EHD4: variants seen among roughly 807,000 people sequenced by gnomAD.
The protein encoded by EHD4 is EH domain containing 4.
EHD4 carries 37 observed loss-of-function variants against 51.0 expected under a neutral mutation model. The observed-to-expected ratio is 0.73, with a 90% CI of 0.56 to 0.95. The LOEUF is 0.95. EHD4 is among the 40% of genes least tolerant of loss of function. The pLI is 0.00. For synonymous variants in EHD4, 297 were observed against 317.3 expected (o/e 0.94, Z 0.68); for missense variants, 632 against 733.1 (o/e 0.86, Z 1.59).
Position 41,897,752 on chromosome 15 carries a change from C to T in EHD4, c.*2893G>A, listed in dbSNP as rs757579963. On this transcript the variant is annotated 3_prime_UTR_variant, in exon 6 of 6. Coordinates refer to ENST00000220325, the MANE Select transcript of EHD4 (RefSeq NM_139265.4). ...TTCATTTTCCCTTTAAACTCAAGAC[C>T]GGAAGGTTTGTGTTATGCGATACCA... 8 of 152,186 alleles carry T rather than the reference C, an allele frequency of 5.3e-5. No homozygotes were observed. The highest frequency in any genetic ancestry group is 3.3e-4 in the Admixed American group (5 of 15,278). The allele number at this position is 152,186 out of a possible 1,614,324, so 9.4% of individuals were successfully genotyped here.
rs138882005 is a variant in EHD4, at chr15:41,927,234, C to T, written c.512-7612G>A. ...TACTGAGCACAGTAGGTGTTCAATA[C>T]ATTTGGTTTATTCCTCCAAAAACTA... On this transcript the variant is annotated intron_variant, in intron 3 of 5. Coordinates refer to ENST00000220325, the MANE Select transcript of EHD4 (RefSeq NM_139265.4). 3.2e-4 allele frequency among the ~76,000 whole-genome samples: 49 copies of T among 152,366 alleles called. No individual in the cohort carries two copies. The East Asian group carries it at 8.5e-3, about 26-fold the overall frequency.
At chr15:41,913,365 T>C (rs1429997257) in intron 4 of EHD4, among the ~76,000 whole-genome samples, 6 of 152,194 alleles carry the variant, frequency 3.9e-5, no homozygotes, top group African/African-American at 1.4e-4. Flanking sequence ...TTGGGTCTTC[T>C]GACCTTTATA....
At chr15:41,930,604 C>T (rs754959334) in intron 3 of EHD4, among the ~76,000 whole-genome samples, 51 of 152,226 alleles carry the variant, frequency 3.4e-4, no homozygotes, top group Admixed American at 2.6e-4. Context: ...CCCCACCCCT[C>T]GCCCTGCCCT....
At chr15:41,915,372 C>T (rs1343243394) in intron 4 of EHD4, among the ~76,000 whole-genome samples, 1 of 152,182 alleles carries the variant, frequency 6.6e-6, no homozygotes, top group Non-Finnish European at 1.5e-5. Flanking sequence ...GCCACCGTGC[C>T]CAGCCTATAG....
At chr15:41,914,462 G>GACGTGTTCCC (rs139725318) in intron 4 of EHD4, among the ~76,000 whole-genome samples, 10,218 of 152,258 alleles carry the variant, frequency 0.067, 397 homozygotes, top group South Asian at 0.095. Context: ...AAGGGCAGCT[G>GACGTGTTCCC]ACTTGAGCAA....
chr15:41,958,525 G>GA (rs920910791), intron 1 of EHD4, among the ~76,000 whole-genome samples: 1 of 151,904 alleles, frequency 6.6e-6, no homozygotes, highest in African/African-American at 2.4e-5. Flanking sequence ...GCTTAGGCTA[G>GA]AATTTTTTTT....
intron 1 of EHD4, among the ~76,000 whole-genome samples, chr15:41,970,791 ATGT>A (rs1238910853): frequency 6.6e-6 from 1 of 152,198 alleles, no homozygotes; most frequent in East Asian, 1.9e-4. Context: ...TCTTCTTTGT[ATGT>A]TTCAACAGTA....
At chr15:41,953,602 T>A (rs1416139533) in intron 2 of EHD4, among the ~76,000 whole-genome samples, 162 bp downstream of exon 2, 1 of 152,206 alleles carries the variant, frequency 6.6e-6, no homozygotes, top group African/African-American at 2.4e-5. Context: ...TTATTTCCTA[T>A]GATAGTCTTT....
intron 4 of EHD4, among the ~76,000 whole-genome samples, chr15:41,915,472 C>T (rs893847978): frequency 6.6e-6 from 1 of 152,198 alleles, no homozygotes; most frequent in Non-Finnish European, 1.5e-5. Context: ...TACAGTGAAC[C>T]TTGAAAATCA....
intron 3 of EHD4, among the ~76,000 whole-genome samples, chr15:41,929,544 A>G (rs2067685106): frequency 6.6e-6 from 1 of 152,234 alleles, no homozygotes; most frequent in South Asian, 2.1e-4. Flanking sequence ...TACCAGATGA[A>G]GAAGCAGGCC....
In EHD4 at chr15:41,899,030, C is replaced by G. The variant is rs1169069726; in HGVS notation, c.*1615G>C. 1 of 151,618 alleles carries G rather than the reference C, an allele frequency of 6.6e-6. No homozygotes were observed. The highest frequency in any genetic ancestry group is 2.4e-5 in the African/African-American group (1 of 41,166). The allele number at this position is 151,618 out of a possible 1,614,324, so 9.4% of individuals were successfully genotyped here. A position where few individuals can be genotyped will look rare whatever the true frequency, so the allele number is the denominator to read the frequency against. The stretch of plus-strand genomic sequence containing the variant: ...CCCAAATCAAGATTTTCTCTTCAAT[C>G]TGTGCCTTTGACCCTGTCACCAAAG... On this transcript the variant is annotated 3_prime_UTR_variant, in exon 6 of 6. Coordinates refer to ENST00000220325, the MANE Select transcript of EHD4 (RefSeq NM_139265.4).
In EHD4 at chr15:41,900,656, T is replaced by C; in HGVS notation, c.1615A>G (p.Lys539Glu). 6.3e-7 allele frequency: 1 copy of C among 1,593,414 alleles called. No homozygotes were observed. The highest frequency in any genetic ancestry group is 8.5e-7 in the Non-Finnish European group (1 of 1,174,108). ...CTGCAGCCCACCCCTCAGTCGGCCT[T>C]GGGCAGGGACTTCCTGTGCGAGGGG... ...VPPSHRKSLPKAD is the reference protein window; with the variant it reads ...VPPSHRKSLPEAD The change falls in exon 6 of 6, where the codon AAG (lysine) becomes GAG (glutamate). Residue 539 changes from lysine (K) to glutamate (E), a missense_variant. Lys to Glu is a moderately conservative substitution (Grantham distance 56). Coordinates refer to ENST00000220325, the MANE Select transcript of EHD4 (RefSeq NM_139265.4). This position sits in a 1 kb window ranked among gnomAD's most constrained non-coding sequence, Gnocchi z 4.8.
chr15:41,936,780 C>T (rs1045977834), intron 3 of EHD4, among the ~76,000 whole-genome samples: 2 of 152,188 alleles, frequency 1.3e-5, no homozygotes, highest in African/African-American at 2.4e-5. Context: ...ACATCAGGGC[C>T]GGAAGCAGTA....
chr15:41,957,505 T>G (rs1566826990), intron 1 of EHD4, among the ~76,000 whole-genome samples: 1 of 152,300 alleles, frequency 6.6e-6, no homozygotes, highest in South Asian at 2.1e-4. Flanking sequence ...TAGGAATGAT[T>G]TGAGTCAGCC....
chr15:41,935,355 T>C (rs994191707), intron 3 of EHD4, among the ~76,000 whole-genome samples: 2 of 152,172 alleles, frequency 1.3e-5, no homozygotes, highest in Non-Finnish European at 2.9e-5. Context: ...CTAAGGCACC[T>C]GGCACCTGAC....
intron 2 of EHD4, among the ~76,000 whole-genome samples, chr15:41,947,173 G>A (rs1233901311): frequency 6.6e-6 from 1 of 152,132 alleles, no homozygotes; most frequent in African/African-American, 2.4e-5. Flanking sequence ...TATCACCATG[G>A]CACACACTGG....
chr15:41,905,889 C>A (rs1006972716), intron 5 of EHD4, among the ~76,000 whole-genome samples: 8 of 152,248 alleles, frequency 5.3e-5, no homozygotes, highest in Admixed American at 4.6e-4. Context: ...CCAGGTTGTT[C>A]TCCAACCCCT....
In EHD4 at chr15:41,897,783, T is replaced by C. The variant is rs1686661545; in HGVS notation, c.*2862A>G. On this transcript the variant is annotated 3_prime_UTR_variant, in exon 6 of 6. Coordinates refer to ENST00000220325, the MANE Select transcript of EHD4 (RefSeq NM_139265.4). The stretch of plus-strand genomic sequence containing the variant: ...GTTTGTGTTATGCGATACCATATGC[T>C]GTGTAGAAAACAGGGCCTCAGCTTC... 1 of 152,278 alleles carries C rather than the reference T, an allele frequency of 6.6e-6. No individual in the cohort carries two copies. Among genetic ancestry groups the C allele is most frequent in the Non-Finnish European group, 1.5e-5 (1 of 68,066 alleles). 9.4% of individuals were successfully genotyped at this position (152,278 alleles called of 1,614,324 possible). A position where few individuals can be genotyped will look rare whatever the true frequency, so the allele number is the denominator to read the frequency against.
At chr15:41,932,627 G>A (rs762576839) in intron 3 of EHD4, among the ~76,000 whole-genome samples, 2 of 152,142 alleles carry the variant, frequency 1.3e-5, no homozygotes, top group Non-Finnish European at 2.9e-5. Flanking sequence ...AGAGGATTAT[G>A]GCAAAAAGAA....
Sources: gnomAD v4.1 joint callset for allele counts (sites outside exome capture counted in the v4.1 genomes callset) on GRCh38, gnomAD v4.1.1 for gene constraint, Gnocchi (gnomAD v3.1) non-coding constraint, MANE v1.5 for transcripts, NCBI Gene and HGNC (gene_info 2026-07-23, HGNC 2026-07-21) for gene names.